PCDH17: variants seen among roughly 807,000 people sequenced by gnomAD.
PCDH17 encodes the protein protocadherin-17.
Under a neutral mutation model 67.7 loss-of-function variants are expected in PCDH17, and 21 were observed. The ratio of observed to expected loss-of-function variants is 0.31; its 90% CI spans 0.22 to 0.45. The LOEUF (loss-of-function observed/expected upper bound fraction) is 0.45. Among genes scored for constraint, PCDH17 ranks in the 20% least tolerant of loss-of-function variants. The pLI, the probability that PCDH17 is intolerant of heterozygous loss-of-function variation, is 1.00. For missense variants in PCDH17, 1,471 were observed against 1,564.8 expected (o/e 0.94, Z 1.01); for synonymous variants, 701 against 656.7 (o/e 1.07, Z -1.03).
chr13:57,707,624 A>G (rs1204670714), intron 3 of PCDH17, among the ~76,000 whole-genome samples: 1 of 152,072 alleles, frequency 6.6e-6, no homozygotes, highest in East Asian at 1.9e-4. Flanking sequence ...TAGGGCTGCT[A>G]TAACGAAGTA....
At chr13:57,631,196 T>C (rs556472926), upstream of PCDH17, among the ~76,000 whole-genome samples, 10 of 152,156 alleles carry the variant, frequency 6.6e-5, no homozygotes, top group South Asian at 1.9e-3. Flanking sequence ...CTTTTATTCC[T>C]CGCCAAGGTT....
chr13:57,644,467 A>G (rs1954941228), intron 1 of PCDH17, among the ~76,000 whole-genome samples: 1 of 151,590 alleles, frequency 6.6e-6, no homozygotes, highest in Non-Finnish European at 1.5e-5. Flanking sequence ...TTGGGTTAGA[A>G]TGCGTGCCCA....
intron 3 of PCDH17, among the ~76,000 whole-genome samples, chr13:57,701,345 G>T (rs998669533): frequency 6.6e-6 from 1 of 151,964 alleles, no homozygotes; most frequent in Non-Finnish European, 1.5e-5. Context: ...TAACGTGTAC[G>T]GTAGATATGA....
chr13:57,728,062 C>T lies in PCDH17; in HGVS notation c.*2768C>T, dbSNP rs1199193682. The T allele has an allele frequency of 6.6e-6, 1 of 152,536 alleles. No individual in the cohort carries two copies. Among genetic ancestry groups the T allele is most frequent in the Non-Finnish European group, 1.5e-5 (1 of 67,986 alleles). The allele number at this position is 152,536 out of a possible 1,614,324, so 9.4% of individuals were successfully genotyped here. A position where few individuals can be genotyped will look rare whatever the true frequency, so the allele number is the denominator to read the frequency against. On this transcript the variant is annotated 3_prime_UTR_variant, in exon 4 of 4. Coordinates refer to ENST00000377918, the MANE Select transcript of PCDH17 (RefSeq NM_001040429.3). ...TGATTTACTAGTGTTAGCTGTTTAA[C>T]ACATTATCTGTATTTAGTAGTGATT...
At chr13:57,682,739 G>A (rs1192354706) in intron 3 of PCDH17, among the ~76,000 whole-genome samples, 1 of 151,784 alleles carries the variant, frequency 6.6e-6, no homozygotes, top group Non-Finnish European at 1.5e-5. Flanking sequence ...AAGAAAAAAA[G>A]ATTGATCGAG....
intron 3 of PCDH17, among the ~76,000 whole-genome samples, chr13:57,682,744 A>G (rs1310512728): frequency 2.0e-5 from 3 of 151,858 alleles, no homozygotes; most frequent in African/African-American, 7.2e-5. Context: ...AAAAAGATTG[A>G]TCGAGTATTA....
intron 3 of PCDH17, among the ~76,000 whole-genome samples, chr13:57,714,296 T>C (rs1417013344): frequency 6.6e-6 from 1 of 151,692 alleles, no homozygotes; most frequent in African/African-American, 2.4e-5. Context: ...TAAATAGATA[T>C]ACATCCCAAT....
chr13:57,668,887 A>T (rs1208818124), intron 3 of PCDH17, among the ~76,000 whole-genome samples: 2 of 152,114 alleles, frequency 1.3e-5, no homozygotes, highest in African/African-American at 2.4e-5. Context: ...ACATGTGCAC[A>T]ACGTGCAGGT....
chr13:57,636,848 T>G (rs2137976584), intron 1 of PCDH17, among the ~76,000 whole-genome samples: 1 of 152,310 alleles, frequency 6.6e-6, no homozygotes, highest in South Asian at 2.1e-4. Context: ...GGGTTAATGC[T>G]TAGTCTTCCA....
At chr13:57,657,612 C>G (rs1405778409) in intron 1 of PCDH17, among the ~76,000 whole-genome samples, 1 of 152,172 alleles carries the variant, frequency 6.6e-6, no homozygotes, top group African/African-American at 2.4e-5. Context: ...TTAACACTCC[C>G]TTGTGTTCAG....
intron 1 of PCDH17, among the ~76,000 whole-genome samples, chr13:57,661,256 A>G (rs1468673641): frequency 6.6e-6 from 1 of 152,144 alleles, no homozygotes; most frequent in Non-Finnish European, 1.5e-5. Flanking sequence ...ATTGCAGCTT[A>G]TAGTAAATCT....
At chr13:57,657,153 A>C (rs1273457267) in intron 1 of PCDH17, among the ~76,000 whole-genome samples, 1 of 152,168 alleles carries the variant, frequency 6.6e-6, no homozygotes, top group Non-Finnish European at 1.5e-5. Flanking sequence ...TAGCATTTGC[A>C]AGAGATCTTA....
At chr13:57,706,111 A>G (rs2138082255) in intron 3 of PCDH17, among the ~76,000 whole-genome samples, 1 of 152,204 alleles carries the variant, frequency 6.6e-6, no homozygotes, top group African/African-American at 2.4e-5. Flanking sequence ...AAATATTAAA[A>G]CACAAAACTG....
At chr13:57,724,480 T>G in intron 3 of PCDH17, 132 bp from the exon 4 acceptor site, 2 of 671,990 alleles carry the variant, frequency 3.0e-6, no homozygotes, top group East Asian at 5.5e-5. Context: ...ATGTTTTAAT[T>G]ATTGTTTTCT....
chr13:57,638,422 C>G (rs182026341), intron 1 of PCDH17, among the ~76,000 whole-genome samples: 1 of 152,128 alleles, frequency 6.6e-6, no homozygotes, highest in Admixed American at 6.6e-5. Context: ...TGGGAGACTT[C>G]CCAGTTTTGT....
intron 1 of PCDH17, among the ~76,000 whole-genome samples, chr13:57,661,002 A>AT (rs1490727954): frequency 6.6e-6 from 1 of 151,998 alleles, no homozygotes; most frequent in Non-Finnish European, 1.5e-5. Context: ...CATACTTTTC[A>AT]TTTTTTTAGG....
chr13:57,686,862 A>T (rs1955512209), intron 3 of PCDH17, among the ~76,000 whole-genome samples: 1 of 152,030 alleles, frequency 6.6e-6, no homozygotes, highest in Non-Finnish European at 1.5e-5. Flanking sequence ...TTGAACACTC[A>T]AGAAGGGATG....
intron 3 of PCDH17, among the ~76,000 whole-genome samples, chr13:57,686,442 AG>A (rs1352277893): frequency 6.6e-6 from 1 of 151,998 alleles, no homozygotes. Flanking sequence ...AATTTAGGAA[AG>A]CTTTTGCAAT....
At position 57,727,536 on chromosome 13, in the gene PCDH17, C is replaced by T. The variant is rs1366735139; in HGVS notation, c.*2242C>T. On this transcript the variant is annotated 3_prime_UTR_variant, in exon 4 of 4. Transcript: ENST00000377918. Reference sequence around the variant, plus strand: ...TTTGAGAGGGAAGAGTGGACAACTCCCATCAGCCTTATTCTCTTGAGAACT... The same window carrying T: ...TTTGAGAGGGAAGAGTGGACAACTCTCATCAGCCTTATTCTCTTGAGAACT... The T allele has an allele frequency of 6.6e-6, 1 of 152,216 alleles. No individual in the cohort carries two copies. The highest frequency in any genetic ancestry group is 1.5e-5 in the Non-Finnish European group (1 of 67,978). The allele number at this position is 152,216 out of a possible 1,614,324, so 9.4% of individuals were successfully genotyped here. A position where few individuals can be genotyped will look rare whatever the true frequency, so the allele number is the denominator to read the frequency against.
Sources: gnomAD v4.1 joint callset for allele counts (sites outside exome capture counted in the v4.1 genomes callset) on GRCh38, gnomAD v4.1.1 for gene constraint, MANE v1.5 for transcripts, NCBI Gene and HGNC (gene_info 2026-07-23, HGNC 2026-07-21) for gene names.